The following CYP2C8 variants were observed in gnomAD, a reference collection of about 807,000 sequenced individuals.
The protein encoded by CYP2C8 is cytochrome P450 2C8.
A neutral mutation model predicts 41.3 loss-of-function variants in CYP2C8; 51 were observed. The ratio of observed to expected loss-of-function variants is 1.24; its 90% CI spans 0.99 to 1.56. CYP2C8 has a LOEUF of 1.56. Ranked by LOEUF, CYP2C8 falls within the 40% of genes most tolerant of loss-of-function variation. The pLI is 0.00. For synonymous variants in CYP2C8, 218 were observed against 205.8 expected, an observed-to-expected ratio of 1.06 and a Z score of -0.51; for missense variants, 651 against 579.9, an observed-to-expected ratio of 1.12 and a Z score of -1.26.
rs1338376550 is a variant in CYP2C8 at position 95,058,378 on chromosome 10, T to C, written c.776A>G (p.Asn259Ser). The C allele has an allele frequency of 2.5e-6, 4 of 1,613,514 alleles. No individual in the cohort carries two copies. Among genetic ancestry groups the C allele is most frequent in the Admixed American group, 1.7e-5 (1 of 59,922 alleles). ...GAAGCAATCGATAAAGTCCCGAGGA[T>C]TGTTAACATCCAGTGATGCTTGGTG... ...KEHQASLDVN[N>S]PRDFIDCFLI... Residue 259 changes from asparagine to serine, a missense_variant, in exon 5 of 9, where the codon AAT becomes AGT. Transcript: ENST00000371270.
rs1210464946 is a variant in CYP2C8 at position 95,049,722 on chromosome 10, A to G, written c.820-3771T>C. Reference sequence around the variant, plus strand: ...TGAGTCCTGGTGCTGAACTGGGCCCAGAGACAGTAGACTGGGGTGGGAGGT... The same window carrying G: ...TGAGTCCTGGTGCTGAACTGGGCCCGGAGACAGTAGACTGGGGTGGGAGGT... On this transcript the variant is annotated intron_variant, in intron 5 of 8. Transcript: ENST00000371270. Among the ~76,000 whole-genome samples, 3 of 152,100 alleles carry G rather than the reference A, an allele frequency of 2.0e-5. No individual in the cohort carries two copies. The East Asian group carries it at 5.8e-4, about 29-fold the overall frequency.
At chr10:95,046,686 T>TG (rs1359421309) in intron 5 of CYP2C8, among the ~76,000 whole-genome samples, 1 of 150,936 alleles carries the variant, frequency 6.6e-6, no homozygotes, top group African/African-American at 2.4e-5. Context: ...GAGGTAGGAT[T>TG]GACATCATCT....
intron 1 of CYP2C8, 95 bp downstream of exon 1, chr10:95,069,140 A>G: frequency 1.5e-6 from 2 of 1,354,676 alleles, no homozygotes; most frequent in Non-Finnish European, 2.1e-6. Context: ...ATGATCTATT[A>G]TAATAGTGTG....
intron 5 of CYP2C8, among the ~76,000 whole-genome samples, chr10:95,046,873 A>C (rs923963004): frequency 6.6e-5 from 10 of 152,144 alleles, no homozygotes; most frequent in Admixed American, 2.0e-4. Context: ...TATTTGATTA[A>C]GCTCTTGATA....
chr10:95,066,890 CCTT>C (rs1240741769), intron 3 of CYP2C8, among the ~76,000 whole-genome samples: 1 of 152,138 alleles, frequency 6.6e-6, no homozygotes, highest in Non-Finnish European at 1.5e-5. Context: ...ATGGGGGAAA[CCTT>C]CTTTAACTCT....
intron 4 of CYP2C8, among the ~76,000 whole-genome samples, chr10:95,063,159 G>A (rs1007347512): frequency 2.6e-5 from 4 of 152,130 alleles, no homozygotes; most frequent in African/African-American, 9.7e-5. Context: ...GGCGTTCTCT[G>A]TATTTCCTGA....
At chr10:95,053,806 C>T (rs1195471850) in intron 5 of CYP2C8, among the ~76,000 whole-genome samples, 1 of 152,056 alleles carries the variant, frequency 6.6e-6, no homozygotes, top group Non-Finnish European at 1.5e-5. Flanking sequence ...GGGACAAATA[C>T]TTAATTCATG....
Position 95,061,546 on chromosome 10 carries a change from G to A in CYP2C8, c.643-3035C>T, listed in dbSNP as rs1589445961. On this transcript the variant is annotated intron_variant, in intron 4 of 8. Coordinates refer to ENST00000371270, the MANE Select transcript of CYP2C8 (RefSeq NM_000770.3). ...GTTTTCTCTCTTTTCTTCTTTATTA[G>A]TCTTCCTAATGGTCTATCAATTTTG... Among the ~76,000 whole-genome samples, 7 of 152,064 alleles carry A rather than the reference G, an allele frequency of 4.6e-5. No individual in the cohort carries two copies. In the South Asian group the frequency reaches 1.2e-3, roughly 27 times the overall value.
chr10:95,043,502 C>A (rs1328154996), intron 6 of CYP2C8, among the ~76,000 whole-genome samples: 3 of 152,084 alleles, frequency 2.0e-5, no homozygotes, highest in African/African-American at 7.2e-5. Flanking sequence ...GGCAGTGATG[C>A]AATTAGCAAT....
intron 3 of CYP2C8, 69 bp downstream of exon 3, chr10:95,067,139 G>T: frequency 6.2e-7 from 1 of 1,609,066 alleles, no homozygotes; most frequent in Non-Finnish European, 8.5e-7. Flanking sequence ...CCCCTGAAAT[G>T]TTTCCAAGGA....
chr10:95,063,259 G>T (rs11188169), intron 4 of CYP2C8, among the ~76,000 whole-genome samples: 5 of 151,988 alleles, frequency 3.3e-5, no homozygotes, highest in Non-Finnish European at 7.4e-5. Flanking sequence ...CATTCTCCCC[G>T]TCACTTTCAG....
At chr10:95,059,626 T>G (rs1450721306) in intron 4 of CYP2C8, among the ~76,000 whole-genome samples, 4 of 152,194 alleles carry the variant, frequency 2.6e-5, no homozygotes, top group Admixed American at 6.5e-5. Context: ...TTCTTTTGCT[T>G]TGCAGAAGCT....
rs1485221249 is a variant in CYP2C8, at chr10:95,069,385, GA to G, written c.17del (p.Val6AlafsTer40). ...GCATAAAAGAGAGACACAGCACCAG[GA>G]CCACAAAAGGTTCCATTGAAGCCTT... The part of the protein sequence containing the change: MEPFV[V>X]LVLCLSFMLL... On this transcript the variant is annotated frameshift_variant, in exon 1 of 9. Transcript: ENST00000371270. LOFTEE classifies it high-confidence loss of function. 7 of 1,613,970 alleles carry G rather than the reference GA, an allele frequency of 4.3e-6. No individual in the cohort carries two copies. In the African/African-American group the frequency reaches 6.7e-5, roughly 15 times the overall value.
chr10:95,058,447 T>C lies in CYP2C8; in HGVS notation c.707A>G (p.Asn236Ser). 6.2e-7 allele frequency: 1 copy of C among 1,613,388 alleles called. No individual in the cohort carries two copies. The highest frequency in any genetic ancestry group is 8.5e-7 in the Non-Finnish European group (1 of 1,179,616). ...FPGTHNKVLK[N>S]VALTRSYIRE... Reference sequence around the variant, plus strand: ...AATGTAACTTCGTGTAAGAGCAACATTTTTAAGCACTTTGTTGTGAGTTCC... The same window carrying C: ...AATGTAACTTCGTGTAAGAGCAACACTTTTAAGCACTTTGTTGTGAGTTCC... The change falls in exon 5 of 9, where the codon AAT becomes AGT. Residue 236 changes from asparagine to serine, a missense_variant. Physicochemically the swap from Asn to Ser is conservative, Grantham distance 46. Coordinates refer to ENST00000371270, the MANE Select transcript of CYP2C8 (RefSeq NM_000770.3).
intron 5 of CYP2C8, among the ~76,000 whole-genome samples, chr10:95,053,146 C>A (rs1346897268): frequency 6.6e-6 from 1 of 152,118 alleles, no homozygotes; most frequent in South Asian, 2.1e-4. Context: ...ATTCCTACAG[C>A]GAACAATTTA....
chr10:95,037,035 G>C lies in CYP2C8; in HGVS notation c.*93C>G, dbSNP rs2032894679. The stretch of plus-strand genomic sequence containing the variant: ...TATTGAGTGAATGGGAAGATTTGAT[G>C]AGAGGTCAGAGAAGACATAATAGTG... On this transcript the variant is annotated 3_prime_UTR_variant, in exon 9 of 9. Transcript: ENST00000371270. 8.5e-7 allele frequency: 1 copy of C among 1,181,834 alleles called. No homozygotes were observed. Among genetic ancestry groups the C allele is most frequent in the Non-Finnish European group, 1.3e-6 (1 of 795,682 alleles). The allele number at this position is 1,181,834 out of a possible 1,614,324, so 73.2% of individuals were successfully genotyped here.
chr10:95,067,473 T>C (rs757434823), intron 2 of CYP2C8, 56 bp downstream of exon 2: 1 of 1,613,164 alleles, frequency 6.2e-7, no homozygotes, highest in Non-Finnish European at 8.5e-7. Context: ...TAGGGCTCTG[T>C]TTTCCATCCC....
At chr10:95,060,281 A>C (rs1445930045) in intron 4 of CYP2C8, among the ~76,000 whole-genome samples, 2 of 152,088 alleles carry the variant, frequency 1.3e-5, no homozygotes, top group Non-Finnish European at 2.9e-5. Context: ...ATGAGCATGG[A>C]ATGTTCTTCC....
chr10:95,047,693 C>CAATGCA (rs2033136664), intron 5 of CYP2C8, among the ~76,000 whole-genome samples: 1 of 152,112 alleles, frequency 6.6e-6, no homozygotes, highest in Non-Finnish European at 1.5e-5. Context: ...AGAGTAGGGG[C>CAATGCA]AATGCAAATG....
Sources: gnomAD v4.1 joint callset for allele counts (sites outside exome capture counted in the v4.1 genomes callset) on GRCh38, gnomAD v4.1.1 for gene constraint, MANE v1.5 for transcripts, NCBI Gene and HGNC (gene_info 2026-07-23, HGNC 2026-07-21) for gene names.